PRMT7: variants seen among roughly 807,000 people sequenced by gnomAD.
PRMT7 encodes protein arginine methyltransferase 7.
A neutral mutation model predicts 85.4 loss-of-function variants in PRMT7; 75 were observed. The observed-to-expected ratio is 0.88, with a 90% CI of 0.73 to 1.06. The LOEUF (loss-of-function observed/expected upper bound fraction) is 1.06. PRMT7 is among the 50% of genes least tolerant of loss of function. The probability of loss-of-function intolerance (pLI) is 0.00; values close to 1 mark genes in which losing one functional copy is unlikely to be tolerated. For missense variants in PRMT7, 868 were observed against 915.2 expected, an observed-to-expected ratio of 0.95 and a Z score of 0.67; for synonymous variants, 397 against 359.5, an observed-to-expected ratio of 1.10 and a Z score of -1.18.
chr16:68,319,515 G>T (rs1013728671), intron 3 of PRMT7, among the ~76,000 whole-genome samples: 1 of 150,876 alleles, frequency 6.6e-6, no homozygotes, highest in Non-Finnish European at 1.5e-5. Context: ...TTTAAATAGT[G>T]AGCAGAGGTA....
At chr16:68,341,624 G>C (rs1310393140) in intron 9 of PRMT7, among the ~76,000 whole-genome samples, 3 of 152,106 alleles carry the variant, frequency 2.0e-5, no homozygotes, top group Non-Finnish European at 4.4e-5. Context: ...GGCCAGGCTG[G>C]TCTCAAATTC....
chr16:68,359,289 T>G (rs2089085250), downstream of PRMT7: 1 of 152,488 alleles, frequency 6.6e-6, no homozygotes, highest in South Asian at 2.1e-4. Flanking sequence ...ACATCATGAA[T>G]CCCAGTCAAG....
chr16:68,316,909 C>T (rs1446410640), intron 3 of PRMT7: 1 of 139,078 alleles, frequency 7.2e-6, no homozygotes, highest in Non-Finnish European at 1.5e-5. Flanking sequence ...GAGACAGGCA[C>T]ATACAAAATT....
At position 68,345,686 on chromosome 16, in the gene PRMT7, C is replaced by T; in HGVS notation, c.939C>T (p.His313=). The T allele has an allele frequency of 6.2e-7, 1 of 1,612,494 alleles. No individual in the cohort carries two copies. Among genetic ancestry groups the T allele is most frequent in the Non-Finnish European group, 8.5e-7 (1 of 1,179,948 alleles). The change falls in exon 10 of 19, where the codon CAC becomes CAT. Residue 313 remains histidine, a synonymous_variant. Transcript: ENST00000441236. ...SDPEEMQWRD[H]WMQCVYFLPQ... ...GTTCTCCGTTTCAGTGGCGGGACCA[C>T]TGGATGCAGTGTGTGTACTTCCTGC...
At chr16:68,337,830 G>A (rs774045933) in intron 7 of PRMT7, among the ~76,000 whole-genome samples, 3 of 152,258 alleles carry the variant, frequency 2.0e-5, no homozygotes, top group Non-Finnish European at 2.9e-5. Context: ...TTCTCAGGAA[G>A]GCGATGCTTG....
At chr16:68,326,609 C>G (rs1352915013) in intron 5 of PRMT7, among the ~76,000 whole-genome samples, 1 of 152,154 alleles carries the variant, frequency 6.6e-6, no homozygotes, top group Non-Finnish European at 1.5e-5. Flanking sequence ...CAAACCTCTC[C>G]TTGGGTACCA....
At chr16:68,340,356 G>A (rs2085323868) in intron 9 of PRMT7, among the ~76,000 whole-genome samples, 1 of 152,148 alleles carries the variant, frequency 6.6e-6, no homozygotes, top group African/African-American at 2.4e-5. Context: ...TAGAAAGTAG[G>A]CAGAGGACAT....
At chr16:68,339,188 A>G in intron 7 of PRMT7, 134 bp from the exon 8 acceptor site, 6 of 1,148,698 alleles carry the variant, frequency 5.2e-6, no homozygotes, top group Non-Finnish European at 7.3e-6. Flanking sequence ...ACAGTTCACT[A>G]TTCTAATAGT....
chr16:68,321,044 G>A (rs1410480045), intron 3 of PRMT7, among the ~76,000 whole-genome samples: 1 of 152,256 alleles, frequency 6.6e-6, no homozygotes, highest in Middle Eastern at 3.4e-3. Flanking sequence ...CAAGGTGGGC[G>A]GATCAGTTGA....
At chr16:68,348,301 C>T in intron 13 of PRMT7, 41 bp from the exon 14 acceptor site, 2 of 1,460,704 alleles carry the variant, frequency 1.4e-6, no homozygotes, top group Admixed American at 3.6e-5. Flanking sequence ...AAACACAATA[C>T]TTTAGTATGA....
In PRMT7 at chr16:68,315,545, T is replaced by C. The variant is rs145343923; in HGVS notation, c.-83-352T>C. On this transcript the variant is annotated intron_variant, in intron 2 of 18. Transcript: ENST00000441236. ...AGTATTGGTGGCACTTCTTTAACAG[T>C]ACCCCATCTCTTCTCCTAGCCTTGA... The C allele has an allele frequency of 4.2e-3, 962 of 230,866 alleles. 5 individuals are homozygous for C. Among genetic ancestry groups the C allele is most frequent in the South Asian group, 6.0e-3 (113 of 18,860 alleles). 14.3% of individuals were successfully genotyped at this position (230,866 alleles called of 1,614,324 possible).
At chr16:68,340,416 C>T (rs141590907) in intron 9 of PRMT7, among the ~76,000 whole-genome samples, 80 of 152,158 alleles carry the variant, frequency 5.3e-4, no homozygotes, top group African/African-American at 1.6e-3. Context: ...CCCACTGTCC[C>T]TCATAATAAG....
chr16:68,326,474 G>T (rs2083131233), intron 5 of PRMT7, among the ~76,000 whole-genome samples: 1 of 152,198 alleles, frequency 6.6e-6, no homozygotes, highest in African/African-American at 2.4e-5. Flanking sequence ...TTGAATTCCT[G>T]ATCTCAGGGG....
intron 14 of PRMT7, among the ~76,000 whole-genome samples, chr16:68,349,538 T>C (rs548301481): frequency 6.6e-6 from 1 of 152,260 alleles, no homozygotes; most frequent in South Asian, 2.1e-4. Flanking sequence ...TGCATTTCAA[T>C]TGTACAGTTG....
At chr16:68,352,058 T>G in intron 14 of PRMT7, 190 bp from the exon 15 acceptor site, 1 of 586,934 alleles carries the variant, frequency 1.7e-6, no homozygotes, top group East Asian at 3.0e-5. Context: ...CCTTGCTTGT[T>G]TGTTGACTGA....
chr16:68,342,565 C>G (rs544447181), intron 9 of PRMT7, among the ~76,000 whole-genome samples: 1 of 152,330 alleles, frequency 6.6e-6, no homozygotes, highest in East Asian at 1.9e-4. Flanking sequence ...GAATGCTCAC[C>G]TGCTGGTTCT....
At chr16:68,325,874 G>A (rs1232980976) in intron 5 of PRMT7, among the ~76,000 whole-genome samples, 1 of 152,174 alleles carries the variant, frequency 6.6e-6, no homozygotes, top group African/African-American at 2.4e-5. Flanking sequence ...TGAGGCCTGA[G>A]CCTTGGGACT....
intron 6 of PRMT7, among the ~76,000 whole-genome samples, chr16:68,334,182 C>T (rs1471840176): frequency 6.6e-6 from 1 of 152,206 alleles, no homozygotes; most frequent in East Asian, 1.9e-4. Context: ...TGAGGTCATG[C>T]ACTGCGTGGG....
At chr16:68,350,755 C>G (rs2087199291) in intron 14 of PRMT7, among the ~76,000 whole-genome samples, 1 of 152,230 alleles carries the variant, frequency 6.6e-6, no homozygotes, top group Admixed American at 6.5e-5. Flanking sequence ...CCTGGGCACC[C>G]ACTCTTCTCC....
Sources: allele counts gnomAD v4.1 joint callset (sites outside exome capture counted in the v4.1 genomes callset), GRCh38; gene constraint gnomAD v4.1.1; transcripts MANE v1.5; gene names NCBI Gene and HGNC (gene_info 2026-07-23, HGNC 2026-07-21).